The following CCSER1 variants were observed in gnomAD, a reference collection of about 807,000 sequenced individuals.
CCSER1 encodes serine-rich coiled-coil domain-containing protein 1.
A neutral mutation model predicts 82.0 loss-of-function variants in CCSER1; 41 were observed. The ratio of observed to expected loss-of-function variants is 0.50; its 90% CI spans 0.39 to 0.65. CCSER1 has a LOEUF of 0.65. Among genes scored for constraint, CCSER1 ranks in the 30% least tolerant of loss-of-function variants. The probability of loss-of-function intolerance (pLI) is 0.00; values close to 1 mark genes in which losing one functional copy is unlikely to be tolerated. For missense variants in CCSER1, 1,119 were observed against 1,064.2 expected, an observed-to-expected ratio of 1.05 and a Z score of -0.72; for synonymous variants, 414 against 383.9, an observed-to-expected ratio of 1.08 and a Z score of -0.92.
At chr4:90,639,533 A>C (rs1225681202) in intron 6 of CCSER1, among the ~76,000 whole-genome samples, 2 of 152,092 alleles carry the variant, frequency 1.3e-5, no homozygotes. Context: ...GTGACAGACC[A>C]GAATGAAAGA....
intron 7 of CCSER1, among the ~76,000 whole-genome samples, chr4:90,809,551 G>A (rs1013973158): frequency 6.6e-6 from 1 of 152,054 alleles, no homozygotes; most frequent in Admixed American, 6.6e-5. Context: ...TGTGAAGGGA[G>A]TGAGGGGTGA....
chr4:90,472,385 T>A (rs910717164), intron 5 of CCSER1, among the ~76,000 whole-genome samples: 1 of 152,196 alleles, frequency 6.6e-6, no homozygotes, highest in East Asian at 1.9e-4. Context: ...CTTTTGACTT[T>A]TTTTATTAAA....
At chr4:90,807,027 A>G (rs1757606972) in intron 7 of CCSER1, among the ~76,000 whole-genome samples, 1 of 152,128 alleles carries the variant, frequency 6.6e-6, no homozygotes, top group Non-Finnish European at 1.5e-5. Flanking sequence ...TTGGTAATAT[A>G]AGTAGTAATA....
At chr4:90,511,308 C>T (rs1177951099) in intron 5 of CCSER1, among the ~76,000 whole-genome samples, 1 of 152,116 alleles carries the variant, frequency 6.6e-6, no homozygotes, top group Non-Finnish European at 1.5e-5. Flanking sequence ...GTCCCAGCTA[C>T]TCGGGAGGCT....
chr4:90,942,381 A>G (rs1302950815), intron 9 of CCSER1, among the ~76,000 whole-genome samples: 1 of 152,208 alleles, frequency 6.6e-6, no homozygotes, highest in Admixed American at 6.5e-5. Context: ...CTTACACCAA[A>G]TCGTACTTTT....
chr4:90,893,155 A>G (rs551971532), intron 8 of CCSER1, among the ~76,000 whole-genome samples: 71 of 150,174 alleles, frequency 4.7e-4, no homozygotes, highest in Non-Finnish European at 8.0e-4. Context: ...CAAGGTGTAT[A>G]TATGTGGGAG....
chr4:90,133,009 T>C (rs1166433463), intron 1 of CCSER1, among the ~76,000 whole-genome samples: 1 of 152,148 alleles, frequency 6.6e-6, no homozygotes, highest in Non-Finnish European at 1.5e-5. Flanking sequence ...ATGCCATATC[T>C]GGAGCCCCAC....
At chr4:90,789,320 T>C (rs1159731878) in intron 7 of CCSER1, among the ~76,000 whole-genome samples, 1 of 152,218 alleles carries the variant, frequency 6.6e-6, no homozygotes, top group Non-Finnish European at 1.5e-5. Context: ...CTCCCAAAGC[T>C]ATTGTGACAC....
intron 3 of CCSER1, among the ~76,000 whole-genome samples, chr4:90,323,243 C>T (rs756057287): frequency 5.0e-4 from 76 of 152,318 alleles, no homozygotes; most frequent in Non-Finnish European, 7.1e-4. Context: ...ACTCCCTTGG[C>T]TGCCACAGGT....
intron 5 of CCSER1, among the ~76,000 whole-genome samples, chr4:90,555,150 G>A (rs1777976059): frequency 6.6e-6 from 1 of 151,598 alleles, no homozygotes; most frequent in Non-Finnish European, 1.5e-5. Context: ...TTTCCAAAAA[G>A]GGAAATAATA....
chr4:90,863,721 A>G (rs895241550), intron 8 of CCSER1, among the ~76,000 whole-genome samples: 1 of 151,946 alleles, frequency 6.6e-6, no homozygotes, highest in African/African-American at 2.4e-5. Context: ...AGGCAAAGAA[A>G]GAAAGGAGAC....
At chr4:90,732,824 C>A (rs1398458491) in intron 7 of CCSER1, among the ~76,000 whole-genome samples, 1 of 152,198 alleles carries the variant, frequency 6.6e-6, no homozygotes, top group Admixed American at 6.5e-5. Context: ...ACCATAATGA[C>A]TTCCAGCTCC....
At chr4:90,392,232 ATTAC>A (rs1020017379) in intron 3 of CCSER1, among the ~76,000 whole-genome samples, 1 of 151,794 alleles carries the variant, frequency 6.6e-6, no homozygotes, top group Non-Finnish European at 1.5e-5. Context: ...TTCTTTTTCT[ATTAC>A]TTAATAATAA....
intron 10 of CCSER1, among the ~76,000 whole-genome samples, chr4:91,153,729 G>A (rs1376762844): frequency 7.2e-5 from 11 of 151,982 alleles, no homozygotes; most frequent in African/African-American, 2.7e-4. Flanking sequence ...CCTTCTAACA[G>A]TGAAGACCGT....
chr4:91,443,727 A>G (rs900684324), intron 10 of CCSER1, among the ~76,000 whole-genome samples: 3 of 148,282 alleles, frequency 2.0e-5, no homozygotes, highest in African/African-American at 2.4e-5. Flanking sequence ...AGAGAAAACT[A>G]TATGTATATA....
intron 10 of CCSER1, among the ~76,000 whole-genome samples, chr4:91,147,129 C>G (rs747786663): frequency 6.6e-5 from 10 of 152,190 alleles, no homozygotes; most frequent in Admixed American, 6.5e-5. Flanking sequence ...TTGGCAGAAT[C>G]AGTGAGTTTT....
intron 10 of CCSER1, among the ~76,000 whole-genome samples, chr4:91,501,406 A>C (rs1759205751): frequency 6.6e-6 from 1 of 151,906 alleles, no homozygotes; most frequent in East Asian, 1.9e-4. Flanking sequence ...ATATTAGGAT[A>C]GTTTCTGCCA....
intron 9 of CCSER1, among the ~76,000 whole-genome samples, chr4:90,982,828 A>G (rs1417352076): frequency 6.6e-6 from 1 of 151,778 alleles, no homozygotes; most frequent in Non-Finnish European, 1.5e-5. Context: ...AGACTTCTAT[A>G]ATAGGTTCCT....
rs139174447 is a variant in CCSER1, at chr4:91,072,676, G to T, written c.2173-13274G>T. Among the ~76,000 whole-genome samples, 1,025 of 152,110 alleles carry T rather than the reference G, an allele frequency of 6.7e-3. 4 individuals are homozygous for T. Among genetic ancestry groups the T allele is most frequent in the Non-Finnish European group, 0.01 (710 of 67,934 alleles). On this transcript the variant is annotated intron_variant, in intron 9 of 10. Coordinates refer to ENST00000509176, the MANE Select transcript of CCSER1 (RefSeq NM_001145065.2). Reference sequence around the variant, plus strand: ...AGTTCCAAAAGTAGCTCTGTAATGAGATACTCTGGGCTCAGTATTCAACTC... The same window carrying T: ...AGTTCCAAAAGTAGCTCTGTAATGATATACTCTGGGCTCAGTATTCAACTC...
Sources: gnomAD v4.1 joint callset for allele counts (sites outside exome capture counted in the v4.1 genomes callset) on GRCh38, gnomAD v4.1.1 for gene constraint, MANE v1.5 for transcripts, NCBI Gene and HGNC (gene_info 2026-07-23, HGNC 2026-07-21) for gene names.